The following HCN3 variants were observed in gnomAD, a reference collection of about 807,000 sequenced individuals.
HCN3 encodes the protein potassium/sodium hyperpolarization-activated cyclic nucleotide-gated channel 3.
In HCN3, 36 loss-of-function variants were observed where a neutral mutation model predicts 56.8. The ratio of observed to expected loss-of-function variants is 0.63; its 90% CI spans 0.49 to 0.84. The LOEUF (loss-of-function observed/expected upper bound fraction) is 0.84, where lower values mean the gene tolerates loss of function less well. Among genes scored for constraint, HCN3 ranks in the 40% least tolerant of loss-of-function variants. The pLI is 0.00. For missense variants in HCN3, 930 were observed against 1,079.3 expected (o/e 0.86, Z 1.94); for synonymous variants, 425 against 439.7 (o/e 0.97, Z 0.42).
rs776834856 is a variant in HCN3 at position 155,287,762 on chromosome 1, C to T, written c.1643-19C>T. 5.7e-5 allele frequency: 88 copies of T among 1,553,728 alleles called. No individual in the cohort carries two copies. Among genetic ancestry groups the T allele is most frequent in the Non-Finnish European group, 7.4e-5 (85 of 1,148,714 alleles). On this transcript the variant is annotated intron_variant, in intron 7 of 7. Transcript: ENST00000368358. ...TTCCTTCCCTATCCTTAACTTCTCC[C>T]TCCCGGTACAACTTCTAGGCAAGAA...
chr1:155,285,957 C>A lies in HCN3; in HGVS notation c.1470C>A (p.Tyr490Ter). Residue 490 changes from tyrosine (Y) to a stop codon, truncating the protein, a stop_gained, in exon 6 of 8, where the codon TAC becomes TAA. Transcript: ENST00000368358. LOFTEE classifies it high-confidence loss of function. The surrounding 1 kb of genome is among the most constrained non-coding windows in gnomAD (Gnocchi z 4.5). Reference sequence around the variant, plus strand: ...ACACACGCCTCACCGATGGATCCTACTTTGGGGGTCAGCAGGCCTCAGGGA... The same window carrying A: ...ACACACGCCTCACCGATGGATCCTAATTTGGGGGTCAGCAGGCCTCAGGGA... Reference protein sequence around the residue: ...ARDTRLTDGSYFGEICLLTRG... With the variant: ...ARDTRLTDGS 6.3e-7 allele frequency: 1 copy of A among 1,581,860 alleles called. No individual in the cohort carries two copies. The highest frequency in any genetic ancestry group is 1.2e-5 in the South Asian group (1 of 86,826).
chr1:155,284,378 C>T lies in HCN3; in HGVS notation c.871-161C>T. 4 of 900,688 alleles carry T rather than the reference C, an allele frequency of 4.4e-6. No homozygotes were observed. Among genetic ancestry groups the T allele is most frequent in the Non-Finnish European group, 6.6e-6 (4 of 610,356 alleles). 55.8% of individuals were successfully genotyped at this position (900,688 alleles called of 1,614,324 possible). A position where few individuals can be genotyped will look rare whatever the true frequency, so the allele number is the denominator to read the frequency against. The stretch of plus-strand genomic sequence containing the variant: ...GGCCCCCAAGTTGCAATAGAGGACC[C>T]TTTTGCCTCAGGGCCCCCCAGAACC... On this transcript the variant is annotated intron_variant, in intron 3 of 7. Transcript: ENST00000368358. The surrounding 1 kb of genome is among the most constrained non-coding windows in gnomAD (Gnocchi z 4.3).
intron 1 of HCN3, among the ~76,000 whole-genome samples, chr1:155,278,767 T>C (rs939655205): frequency 1.3e-5 from 2 of 152,188 alleles, no homozygotes; most frequent in Non-Finnish European, 2.9e-5. Flanking sequence ...CTTCCTCCCA[T>C]TGTTCCTTTC....
In HCN3 at chr1:155,285,988, G is replaced by A; in HGVS notation, c.1477+24G>A. The A allele has an allele frequency of 6.4e-7, 1 of 1,556,372 alleles. No homozygotes were observed. On this transcript the variant is annotated intron_variant, in intron 6 of 7. Coordinates refer to ENST00000368358, the MANE Select transcript of HCN3 (RefSeq NM_020897.3). The surrounding 1 kb of genome is among the most constrained non-coding windows in gnomAD (Gnocchi z 4.5). ...GGGTCAGCAGGCCTCAGGGAGGGTG[G>A]CAGGGTCACGAGCAGACAGTGGAGA... is the stretch of plus-strand genomic sequence containing the variant.
rs1258957788 is a variant in HCN3, at chr1:155,288,617, T to A, written c.*154T>A. The A allele has an allele frequency of 1.1e-6, 1 of 920,298 alleles. No homozygotes were observed. The highest frequency in any genetic ancestry group is 1.6e-6 in the Non-Finnish European group (1 of 629,190). 57.0% of individuals were successfully genotyped at this position (920,298 alleles called of 1,614,324 possible). ...TCCGCATACTGCCATGAAGACGGTC[T>A]CTGTGTCCTCAGCTCAAGAATCCTG... On this transcript the variant is annotated 3_prime_UTR_variant, in exon 8 of 8. Transcript: ENST00000368358. The surrounding 1 kb of genome is among the most constrained non-coding windows in gnomAD (Gnocchi z 6.5).
chr1:155,287,504 C>A (rs985351310), intron 7 of HCN3, among the ~76,000 whole-genome samples, 167 bp downstream of exon 7: 1 of 152,086 alleles, frequency 6.6e-6, no homozygotes, highest in Non-Finnish European at 1.5e-5. Context: ...GTCCCTATCC[C>A]TCAGCATGTC....
In HCN3 at chr1:155,284,757, G is replaced by A. The variant is rs1311994088; in HGVS notation, c.1089G>A (p.Lys363=). The change falls in exon 4 of 8, where the codon AAG becomes AAA. Residue 363 remains lysine, a splice_region_variant and synonymous_variant. Coordinates refer to ENST00000368358, the MANE Select transcript of HCN3 (RefSeq NM_020897.3). The surrounding 1 kb of genome is among the most constrained non-coding windows in gnomAD (Gnocchi z 4.3). The part of the protein sequence containing the change: ...LDSSRRQYQE[K]YKQVEQYMSF... ...CTTCCCGGCGTCAGTACCAGGAGAAGGTCAGCAGGGACAGGAGAGGGAGGT... is the reference window on the plus strand; with the variant it reads ...CTTCCCGGCGTCAGTACCAGGAGAAAGTCAGCAGGGACAGGAGAGGGAGGT... The A allele has an allele frequency of 1.2e-6, 2 of 1,612,164 alleles. No homozygotes were observed. The highest frequency in any genetic ancestry group is 1.7e-6 in the Non-Finnish European group (2 of 1,178,790).
chr1:155,284,930 T>C lies in HCN3; in HGVS notation c.1089+173T>C, dbSNP rs1377796744. Among the ~76,000 whole-genome samples, 1 of 152,250 alleles carries C rather than the reference T, an allele frequency of 6.6e-6. No homozygotes were observed. The highest frequency in any genetic ancestry group is 1.5e-5 in the Non-Finnish European group (1 of 68,044). ...CCTTTTCCTTGTTTGAACCTATGCC[T>C]GTGCTTGGCCCCTCTGCTGTCCACG... On this transcript the variant is annotated intron_variant, in intron 4 of 7. Transcript: ENST00000368358. This position sits in a 1 kb window ranked among gnomAD's most constrained non-coding sequence, Gnocchi z 4.3.
At chr1:155,287,674 T>G in intron 7 of HCN3, 107 bp from the exon 8 acceptor site, 19 of 999,464 alleles carry the variant, frequency 1.9e-5, no homozygotes, top group Non-Finnish European at 2.0e-5. Flanking sequence ...TCCCATCCCC[T>G]ACCCTCAACC....
chr1:155,287,536 C>T (rs1207901625), intron 7 of HCN3, among the ~76,000 whole-genome samples, 199 bp downstream of exon 7: 1 of 152,016 alleles, frequency 6.6e-6, no homozygotes, highest in African/African-American at 2.4e-5. Flanking sequence ...AGATAGCATC[C>T]CAAGCCCCCA....
Position 155,285,318 on chromosome 1 carries a change from C to T in HCN3, c.1236+7C>T, listed in dbSNP as rs766190949. ...GAGCGAGCCGCTTCGCGAGGTGGGGCTGGGTTGGGCCTGGAAGGGGGGCTC... is the reference window on the plus strand; with the variant it reads ...GAGCGAGCCGCTTCGCGAGGTGGGGTTGGGTTGGGCCTGGAAGGGGGGCTC... On this transcript the variant is annotated splice_region_variant and intron_variant, in intron 5 of 7. Transcript: ENST00000368358. This position sits in a 1 kb window ranked among gnomAD's most constrained non-coding sequence, Gnocchi z 4.5. The T allele has an allele frequency of 6.2e-7, 1 of 1,613,510 alleles. No homozygotes were observed. Among genetic ancestry groups the T allele is most frequent in the Non-Finnish European group, 8.5e-7 (1 of 1,179,546 alleles).
chr1:155,280,646 GC>G (rs1673998351), intron 1 of HCN3, among the ~76,000 whole-genome samples: 1 of 148,848 alleles, frequency 6.7e-6, no homozygotes, highest in South Asian at 2.1e-4. Context: ...CACCGTGTTA[GC>G]CAGGATGGTC....
At chr1:155,286,584 G>A (rs1393107943) in intron 6 of HCN3, among the ~76,000 whole-genome samples, 1 of 152,208 alleles carries the variant, frequency 6.6e-6, no homozygotes, top group African/African-American at 2.4e-5. Flanking sequence ...CAGGAGTGAA[G>A]CAGAGCTGTC....
intron 1 of HCN3, among the ~76,000 whole-genome samples, chr1:155,280,277 T>TTTAC: frequency 6.6e-6 from 1 of 150,930 alleles, no homozygotes; most frequent in Admixed American, 6.6e-5. Flanking sequence ...TATTTATTTA[T>TTTAC]TTATTTTGAG....
rs1308889940 is a variant in HCN3 at position 155,285,797 on chromosome 1, T to A, written c.1310T>A (p.Val437Asp). ...TTTGCCCATGCCGACCCCAGCTTCG[T>A]CACTGCAGTTCTCACCAAGCTGCGC... ...PLFAHADPSF[V>D]TAVLTKLRFE... Residue 437 changes from valine (V) to aspartate (D), a missense_variant, in exon 6 of 8, where the codon GTC becomes GAC. Coordinates refer to ENST00000368358, the MANE Select transcript of HCN3 (RefSeq NM_020897.3). The surrounding 1 kb of genome is among the most constrained non-coding windows in gnomAD (Gnocchi z 4.5). 6.2e-7 allele frequency: 1 copy of A among 1,614,140 alleles called. No individual in the cohort carries two copies. Among genetic ancestry groups the A allele is most frequent in the Admixed American group, 1.7e-5 (1 of 60,018 alleles).
At position 155,285,908 on chromosome 1, in the gene HCN3, G is replaced by C. The variant is rs908204975; in HGVS notation, c.1421G>C (p.Ser474Thr). Residue 474 changes from serine to threonine, a missense_variant, in exon 6 of 8, where the codon AGT becomes ACT. Ser to Thr is a moderately conservative substitution (Grantham distance 58). Transcript: ENST00000368358. The surrounding 1 kb of genome is among the most constrained non-coding windows in gnomAD (Gnocchi z 4.5). Reference protein sequence around the residue: ...KMYFIQHGLLSVLARGARDTR... With the variant: ...KMYFIQHGLLTVLARGARDTR... ...TACTTCATCCAGCATGGGCTGCTCA[G>C]TGTGCTGGCCCGCGGCGCCCGGGAC... The C allele has an allele frequency of 1.2e-6, 2 of 1,611,846 alleles. No homozygotes were observed. Among genetic ancestry groups the C allele is most frequent in the African/African-American group, 1.3e-5 (1 of 74,896 alleles).
At position 155,277,624 on chromosome 1, in the gene HCN3, A is replaced by G. The variant is rs1373913799; in HGVS notation, c.34A>G (p.Ser12Gly). 2 of 1,555,008 alleles carry G rather than the reference A, an allele frequency of 1.3e-6. No homozygotes were observed. Among genetic ancestry groups the G allele is most frequent in the East Asian group, 2.4e-5 (1 of 41,834 alleles). Residue 12 changes from serine to glycine, a missense_variant, in exon 1 of 8, where the codon AGC becomes GGC. Physicochemically the swap from Ser to Gly is moderately conservative, Grantham distance 56. Coordinates refer to ENST00000368358, the MANE Select transcript of HCN3 (RefSeq NM_020897.3). ...AGAGCAGCGGCCGGCGGCGGGGGCC[A>G]GCGAAGGGGCGACCCCTGGACTGGA... Reference protein sequence around the residue: ...EAEQRPAAGASEGATPGLEAV... With the variant: ...EAEQRPAAGAGEGATPGLEAV...
chr1:155,284,443 G>C lies in HCN3; in HGVS notation c.871-96G>C. The C allele has an allele frequency of 3.8e-6, 5 of 1,313,890 alleles. No homozygotes were observed. Among genetic ancestry groups the C allele is most frequent in the Non-Finnish European group, 5.2e-6 (5 of 962,596 alleles). 81.4% of individuals were successfully genotyped at this position (1,313,890 alleles called of 1,614,324 possible). On this transcript the variant is annotated intron_variant, in intron 3 of 7. Coordinates refer to ENST00000368358, the MANE Select transcript of HCN3 (RefSeq NM_020897.3). This position sits in a 1 kb window ranked among gnomAD's most constrained non-coding sequence, Gnocchi z 4.3. ...GCCAGGAGGAAGGCCTGCAGTAGAA[G>C]GGGCAGACAGAAAGACCAAAGAAGG...
chr1:155,287,885 C>A lies in HCN3; in HGVS notation c.1747C>A (p.Arg583=). Residue 583 remains arginine, a synonymous_variant, in exon 8 of 8, where the codon CGG becomes AGG. Coordinates refer to ENST00000368358, the MANE Select transcript of HCN3 (RefSeq NM_020897.3). ...GGTGCAACATGACAGAGACATGGCT[C>A]GGGGTGTTCGGGGTCGGGCCCCGAG... The part of the protein sequence containing the change: ...HLVQHDRDMA[R]GVRGRAPSTG... The A allele has an allele frequency of 6.2e-7, 1 of 1,613,910 alleles. No individual in the cohort carries two copies. The highest frequency in any genetic ancestry group is 8.5e-7 in the Non-Finnish European group (1 of 1,179,996).
Sources: gnomAD v4.1 joint callset for allele counts (sites outside exome capture counted in the v4.1 genomes callset) on GRCh38, gnomAD v4.1.1 for gene constraint, Gnocchi (gnomAD v3.1) non-coding constraint, MANE v1.5 for transcripts, NCBI Gene and HGNC (gene_info 2026-07-23, HGNC 2026-07-21) for gene names.